The following CCDC191 variants were observed in gnomAD, a reference collection of about 807,000 sequenced individuals.
CCDC191 encodes the protein coiled-coil domain-containing protein 191.
Under a neutral mutation model 114.0 loss-of-function variants are expected in CCDC191, and 99 were observed. The observed-to-expected ratio is 0.87, with a 90% CI of 0.74 to 1.03. CCDC191 has a LOEUF of 1.03. Among genes scored for constraint, CCDC191 ranks in the 50% least tolerant of loss-of-function variants. The pLI, the probability that CCDC191 is intolerant of heterozygous loss-of-function variation, is 0.00. For synonymous variants in CCDC191, 351 were observed against 376.0 expected, an observed-to-expected ratio of 0.93 and a Z score of 0.77; for missense variants, 973 against 1,087.0, an observed-to-expected ratio of 0.90 and a Z score of 1.47.
intron 8 of CCDC191, among the ~76,000 whole-genome samples, chr3:114,017,567 T>C (rs1363110268): frequency 6.6e-6 from 1 of 152,186 alleles, no homozygotes; most frequent in Non-Finnish European, 1.5e-5. Flanking sequence ...TATGTAACAA[T>C]ACTGACATTT....
At chr3:114,024,115 G>A (rs1368261671) in intron 7 of CCDC191, among the ~76,000 whole-genome samples, 2 of 152,132 alleles carry the variant, frequency 1.3e-5, no homozygotes, top group Admixed American at 6.5e-5. Context: ...ATCATCACTG[G>A]CCATCAGAGA....
chr3:113,995,909 G>A (rs769658748), intron 13 of CCDC191, among the ~76,000 whole-genome samples: 5 of 152,026 alleles, frequency 3.3e-5, no homozygotes, highest in Non-Finnish European at 7.4e-5. Flanking sequence ...ATGTTTTTTG[G>A]CTGCGTAAAT....
intron 3 of CCDC191, among the ~76,000 whole-genome samples, chr3:114,045,886 G>T (rs1203119766): frequency 6.6e-6 from 1 of 152,172 alleles, no homozygotes; most frequent in African/African-American, 2.4e-5. Flanking sequence ...ATTCCCACAA[G>T]AAATGTATAT....
intron 16 of CCDC191, among the ~76,000 whole-genome samples, chr3:113,968,100 T>C (rs1426844359): frequency 6.6e-6 from 1 of 152,248 alleles, no homozygotes; most frequent in East Asian, 1.9e-4. Flanking sequence ...ATCACGGACA[T>C]GCAAATATCT....
Position 114,042,778 on chromosome 3 carries a change from C to T in CCDC191, c.340G>A (p.Asp114Asn). The T allele has an allele frequency of 1.2e-6, 2 of 1,601,074 alleles. No homozygotes were observed. Among genetic ancestry groups the T allele is most frequent in the Non-Finnish European group, 1.7e-6 (2 of 1,175,368 alleles). Residue 114 changes from aspartate to asparagine, a missense_variant, in exon 4 of 17, where the codon GAT becomes AAT. By Grantham distance (23) the Asp-to-Asn change is conservative. Coordinates refer to ENST00000295878, the MANE Select transcript of CCDC191 (RefSeq NM_020817.2). ...ACACTTGACACAGTGTTTTTAGCAT[C>T]ACCTTCTTCCTCACTTGCTAATTCT... The part of the protein sequence containing the change: ...KQELASEEEG[D>N]AKNTVSSVTI...
chr3:114,056,137 T>C (rs2076774881), intron 1 of CCDC191, among the ~76,000 whole-genome samples: 1 of 152,036 alleles, frequency 6.6e-6, no homozygotes, highest in Admixed American at 6.6e-5. Flanking sequence ...ACACCTCCGG[T>C]TTTAGAAAAG....
chr3:113,982,108 A>C (rs546980568), intron 13 of CCDC191, among the ~76,000 whole-genome samples: 2 of 152,348 alleles, frequency 1.3e-5, no homozygotes, highest in South Asian at 4.1e-4. Context: ...AGACAAAAGA[A>C]CTTGTTCCCA....
At chr3:114,047,687 A>G (rs2076648003) in intron 2 of CCDC191, among the ~76,000 whole-genome samples, 2 of 152,028 alleles carry the variant, frequency 1.3e-5, no homozygotes, top group Non-Finnish European at 2.9e-5. Context: ...AATTAAATAA[A>G]TTTTAAAGCT....
rs1448757829 is a variant in CCDC191, at chr3:113,965,366, GAATA to G, written c.2607-11_2607-8del. 5 of 1,526,846 alleles carry G rather than the reference GAATA, an allele frequency of 3.3e-6. No individual in the cohort carries two copies. The highest frequency in any genetic ancestry group is 4.4e-6 in the Non-Finnish European group (5 of 1,134,266). 94.6% of individuals were successfully genotyped at this position (1,526,846 alleles called of 1,614,324 possible). On this transcript the variant is annotated splice_region_variant and splice_polypyrimidine_tract_variant and intron_variant, in intron 16 of 16. Coordinates refer to ENST00000295878, the MANE Select transcript of CCDC191 (RefSeq NM_020817.2). ...GGTGATCCAGAGGATCCTCCTTTAA[GAATA>G]AAGAAGGAAAAAAGTGAAATGTTGA...
intron 7 of CCDC191, among the ~76,000 whole-genome samples, chr3:114,028,706 C>T (rs1407190293): frequency 1.3e-5 from 2 of 151,664 alleles, no homozygotes; most frequent in African/African-American, 4.8e-5. Context: ...GGAAAGACTA[C>T]ACTGAAACCT....
chr3:114,026,838 A>G (rs1559919296), intron 7 of CCDC191, among the ~76,000 whole-genome samples: 1 of 152,240 alleles, frequency 6.6e-6, no homozygotes, highest in South Asian at 2.1e-4. Flanking sequence ...AAATCCAACC[A>G]AATAAGCAAA....
intron 8 of CCDC191, among the ~76,000 whole-genome samples, chr3:114,013,820 C>A (rs2076114450): frequency 6.6e-6 from 1 of 152,166 alleles, no homozygotes; most frequent in African/African-American, 2.4e-5. Context: ...TGTTTTGGAA[C>A]TTACAAGTCA....
intron 16 of CCDC191, among the ~76,000 whole-genome samples, chr3:113,971,345 T>C (rs527622689): frequency 6.6e-5 from 10 of 152,364 alleles, no homozygotes; most frequent in East Asian, 3.9e-4. Flanking sequence ...CTTGTGTCTT[T>C]TGGCTGCATA....
At chr3:114,010,699 A>G in intron 9 of CCDC191, 73 bp downstream of exon 9, 1 of 1,455,242 alleles carries the variant, frequency 6.9e-7, no homozygotes, top group African/African-American at 1.4e-5. Context: ...GCAATCTGAC[A>G]ATGACTGACA....
At chr3:114,024,146 T>C (rs1233404698) in intron 7 of CCDC191, among the ~76,000 whole-genome samples, 1 of 152,158 alleles carries the variant, frequency 6.6e-6, no homozygotes, top group Non-Finnish European at 1.5e-5. Context: ...AATACCACAA[T>C]GAAGTACCAT....
At chr3:113,986,462 T>C (rs1180746893) in intron 13 of CCDC191, among the ~76,000 whole-genome samples, 5 of 151,968 alleles carry the variant, frequency 3.3e-5, no homozygotes, top group Non-Finnish European at 5.9e-5. Flanking sequence ...AAATCATATA[T>C]CCAAGAAGCT....
intron 4 of CCDC191, among the ~76,000 whole-genome samples, chr3:114,041,930 C>T (rs920961666): frequency 2.0e-5 from 3 of 151,744 alleles, no homozygotes; most frequent in South Asian, 4.2e-4. Context: ...AAAGTAATAA[C>T]CTCCCTTATA....
chr3:113,985,245 C>A (rs1170104906), intron 13 of CCDC191, among the ~76,000 whole-genome samples: 1 of 152,148 alleles, frequency 6.6e-6, no homozygotes, highest in East Asian at 1.9e-4. Context: ...ACAGCAGCAA[C>A]TGCAAAATCT....
At chr3:114,023,812 TA>T (rs2076278789) in intron 7 of CCDC191, among the ~76,000 whole-genome samples, 1 of 151,912 alleles carries the variant, frequency 6.6e-6, no homozygotes, top group South Asian at 2.1e-4. Flanking sequence ...ACTTCATGTC[TA>T]AAACACCAAA....
Sources: gnomAD v4.1 joint callset for allele counts (sites outside exome capture counted in the v4.1 genomes callset) on GRCh38, gnomAD v4.1.1 for gene constraint, MANE v1.5 for transcripts, NCBI Gene and HGNC (gene_info 2026-07-23, HGNC 2026-07-21) for gene names.